Variants in SMAP1 observed in about 807,000 individuals in gnomAD.
SMAP1 encodes the protein stromal membrane-associated protein 1.
SMAP1 carries 24 observed loss-of-function variants against 58.5 expected under a neutral mutation model. That is an observed-to-expected ratio of 0.41 (90% CI 0.30 to 0.58). SMAP1 has a LOEUF of 0.58. Ranked by LOEUF, SMAP1 falls within the 20% of genes least tolerant of loss-of-function variation. The pLI is 0.29. For missense variants in SMAP1, 563 were observed against 566.3 expected, an observed-to-expected ratio of 0.99 and a Z score of 0.06; for synonymous variants, 216 against 196.6, an observed-to-expected ratio of 1.10 and a Z score of -0.82.
At chr6:70,820,758 A>G (rs1769852933) in intron 6 of SMAP1, among the ~76,000 whole-genome samples, 1 of 151,898 alleles carries the variant, frequency 6.6e-6, no homozygotes, top group African/African-American at 2.4e-5. Flanking sequence ...ATCAAGTGAG[A>G]GAGAACTTCC....
intron 1 of SMAP1, among the ~76,000 whole-genome samples, chr6:70,708,990 T>C (rs1295594234): frequency 6.6e-6 from 1 of 152,228 alleles, no homozygotes; most frequent in Non-Finnish European, 1.5e-5. Context: ...TGTTTATTTT[T>C]GCTTTTGTGG....
chr6:70,708,033 A>G (rs1422786053), intron 1 of SMAP1, among the ~76,000 whole-genome samples: 2 of 152,130 alleles, frequency 1.3e-5, no homozygotes, highest in African/African-American at 2.4e-5. Flanking sequence ...GCAGTGTATA[A>G]CTATAGTCCT....
chr6:70,784,241 C>A (rs1159324895), intron 4 of SMAP1, among the ~76,000 whole-genome samples: 3 of 152,010 alleles, frequency 2.0e-5, no homozygotes, highest in Non-Finnish European at 4.4e-5. Context: ...CCTTTACAGA[C>A]AAGCAAATGC....
intron 1 of SMAP1, among the ~76,000 whole-genome samples, chr6:70,696,050 A>T (rs113509751): frequency 0.015 from 2,264 of 152,232 alleles, 30 homozygotes; most frequent in Non-Finnish European, 0.019. Flanking sequence ...TAGCTTTTCC[A>T]ATTTATTGGC....
chr6:70,702,389 T>G (rs367600043), intron 1 of SMAP1, among the ~76,000 whole-genome samples: 1,905 of 121,764 alleles, frequency 0.016, 48 homozygotes, highest in African/African-American at 0.049. Flanking sequence ...GCTTTTTTTT[T>G]GGGGAGGGGG....
chr6:70,844,270 C>A (rs1432123852), intron 7 of SMAP1, among the ~76,000 whole-genome samples: 14 of 152,150 alleles, frequency 9.2e-5, no homozygotes, highest in Admixed American at 8.5e-4. Flanking sequence ...TTCTACAAAG[C>A]TTCCTCCTTA....
intron 1 of SMAP1, among the ~76,000 whole-genome samples, chr6:70,699,206 A>G (rs1401110744): frequency 6.6e-6 from 1 of 152,192 alleles, no homozygotes; most frequent in African/African-American, 2.4e-5. Context: ...TCCCTGGATT[A>G]CCAGGCAGAG....
chr6:70,851,191 C>T (rs533612937), intron 7 of SMAP1, among the ~76,000 whole-genome samples: 179 of 152,268 alleles, frequency 1.2e-3, no homozygotes, highest in African/African-American at 4.1e-3. Context: ...GGGCTTTACA[C>T]ACTCTTTTGT....
At chr6:70,781,893 C>T (rs1406458263) in intron 4 of SMAP1, among the ~76,000 whole-genome samples, 1 of 152,066 alleles carries the variant, frequency 6.6e-6, no homozygotes. Context: ...GGAGTTTTTT[C>T]ACATATCGGT....
chr6:70,758,119 C>G (rs1357558586), intron 3 of SMAP1, among the ~76,000 whole-genome samples: 1 of 150,548 alleles, frequency 6.6e-6, no homozygotes, highest in African/African-American at 2.4e-5. Context: ...TGGAACCAAC[C>G]CAAATGTCCA....
At chr6:70,779,040 C>T (rs925256737) in intron 4 of SMAP1, among the ~76,000 whole-genome samples, 1 of 152,236 alleles carries the variant, frequency 6.6e-6, no homozygotes, top group African/African-American at 2.4e-5. Context: ...TGTGGATACA[C>T]AATGGCTCTG....
chr6:70,680,712 G>GTTTTTTT (rs34867967), intron 1 of SMAP1, among the ~76,000 whole-genome samples: 290 of 78,984 alleles, frequency 3.7e-3, no homozygotes, highest in Admixed American at 5.2e-3. Context: ...TGGATTTCCT[G>GTTTTTTT]TTTTTTTTTT....
chr6:70,803,133 T>C (rs903359016), intron 6 of SMAP1, among the ~76,000 whole-genome samples: 2 of 152,226 alleles, frequency 1.3e-5, no homozygotes, highest in Admixed American at 6.5e-5. Context: ...GTCTGTCTGG[T>C]CCTGGACTTT....
chr6:70,751,967 A>G (rs760155690), intron 2 of SMAP1, among the ~76,000 whole-genome samples: 1 of 152,192 alleles, frequency 6.6e-6, no homozygotes, highest in Non-Finnish European at 1.5e-5. Flanking sequence ...TTAATTGCCA[A>G]AGAATAAGCA....
intron 1 of SMAP1, among the ~76,000 whole-genome samples, chr6:70,714,863 G>T (rs1768201014): frequency 6.6e-6 from 1 of 152,062 alleles, no homozygotes; most frequent in Non-Finnish European, 1.5e-5. Flanking sequence ...TAAAGGACAG[G>T]ATTGCTGGGT....
chr6:70,823,954 C>T (rs1770003528), intron 6 of SMAP1, among the ~76,000 whole-genome samples: 1 of 151,530 alleles, frequency 6.6e-6, no homozygotes, highest in Non-Finnish European at 1.5e-5. Context: ...GGGTGAGGGC[C>T]ACCCTATGAC....
rs189857064 is a variant in SMAP1 at position 70,791,587 on chromosome 6, A to G, written c.415-102A>G. 53 of 892,278 alleles carry G rather than the reference A, an allele frequency of 5.9e-5. No individual in the cohort carries two copies. The African/African-American group carries it at 6.9e-4, about 12-fold the overall frequency. The allele number at this position is 892,278 out of a possible 1,614,324, so 55.3% of individuals were successfully genotyped here. On this transcript the variant is annotated intron_variant, in intron 4 of 10. Transcript: ENST00000370455. ...TATTAACATGCCTCTAAGTGCTTCT[A>G]TATCTCAAAAATATACAGGGATTTT...
intron 2 of SMAP1, among the ~76,000 whole-genome samples, chr6:70,738,701 A>T (rs1373130252): frequency 6.6e-6 from 1 of 152,190 alleles, no homozygotes; most frequent in African/African-American, 2.4e-5. Flanking sequence ...CTCAACTTGA[A>T]TTCTTAGTCA....
chr6:70,786,849 C>G lies in SMAP1; in HGVS notation c.415-4840C>G, dbSNP rs1178352815. ...TTCCATGCTCATGGACAGGAAGAAT[C>G]AATATCATGAAAATGGCCATACTGC... On this transcript the variant is annotated intron_variant, in intron 4 of 10. Transcript: ENST00000370455. Among the ~76,000 whole-genome samples, 3 of 152,268 alleles carry G rather than the reference C, an allele frequency of 2.0e-5. No homozygotes were observed. In the East Asian group the frequency reaches 5.8e-4, roughly 29 times the overall value.
Sources: gnomAD v4.1 joint callset for allele counts (sites outside exome capture counted in the v4.1 genomes callset) on GRCh38, gnomAD v4.1.1 for gene constraint, MANE v1.5 for transcripts, NCBI Gene and HGNC (gene_info 2026-07-23, HGNC 2026-07-21) for gene names.